The following PTK2 variants were observed in gnomAD, a reference collection of about 807,000 sequenced individuals.
PTK2 encodes the protein protein tyrosine kinase 2, also known as focal adhesion kinase 1.
In PTK2, 45 loss-of-function variants were observed where a neutral mutation model predicts 150.1. The ratio of observed to expected loss-of-function variants is 0.30; its 90% CI spans 0.24 to 0.38. The LOEUF (loss-of-function observed/expected upper bound fraction) is 0.38. Ranked by LOEUF, PTK2 falls within the 10% of genes least tolerant of loss-of-function variation. The pLI, the probability that PTK2 is intolerant of heterozygous loss-of-function variation, is 1.00. For missense variants in PTK2, 919 were observed against 1,307.3 expected (o/e 0.70, Z 4.58); for synonymous variants, 432 against 449.2 (o/e 0.96, Z 0.48).
chr8:140,665,345 A>G (rs962234441), intron 30 of PTK2, among the ~76,000 whole-genome samples: 7 of 152,102 alleles, frequency 4.6e-5, no homozygotes, highest in African/African-American at 1.7e-4. Context: ...CAACCCTGCC[A>G]ACACAGGTTA....
At chr8:140,752,371 A>T (rs1177833714) in intron 16 of PTK2, 55 bp from the exon 20 acceptor site, 5 of 1,509,834 alleles carry the variant, frequency 3.3e-6, no homozygotes, top group Non-Finnish European at 3.7e-6. Context: ...TTGCTATATT[A>T]ATTGATTCAT....
chr8:140,877,651 G>GTCA (rs1237390183), intron 4 of PTK2, among the ~76,000 whole-genome samples: 20 of 151,812 alleles, frequency 1.3e-4, no homozygotes, highest in Non-Finnish European at 2.8e-4. Context: ...AGGCATCAAT[G>GTCA]TCATCATCAT....
intron 1 of PTK2, among the ~76,000 whole-genome samples, chr8:140,965,770 G>A (rs2100185045): frequency 6.6e-6 from 1 of 152,166 alleles, no homozygotes; most frequent in Non-Finnish European, 1.5e-5. Context: ...CCAGCTACTT[G>A]GGAGGCTGAG....
chr8:140,868,234 A>G (rs2100140477), intron 4 of PTK2, among the ~76,000 whole-genome samples: 2 of 152,232 alleles, frequency 1.3e-5, no homozygotes, highest in South Asian at 4.1e-4. Context: ...GAGAAGGGTT[A>G]GCTAGCTAGT....
chr8:140,690,620 C>A (rs1345585442), intron 26 of PTK2, among the ~76,000 whole-genome samples: 1 of 152,058 alleles, frequency 6.6e-6, no homozygotes, highest in African/African-American at 2.4e-5. Context: ...AATCACTCAA[C>A]CTTACCATTT....
chr8:140,849,855 C>G (rs1458303389), intron 5 of PTK2, among the ~76,000 whole-genome samples: 1 of 152,226 alleles, frequency 6.6e-6, no homozygotes, highest in Admixed American at 6.5e-5. Context: ...CCAGATGTAT[C>G]AACCCCGAAA....
At chr8:140,946,631 T>C (rs1469000234) in intron 1 of PTK2, among the ~76,000 whole-genome samples, 1 of 152,218 alleles carries the variant, frequency 6.6e-6, no homozygotes, top group African/African-American at 2.4e-5. Flanking sequence ...ATCTCCTTTG[T>C]ATTTAGCTCA....
chr8:140,811,736 G>A (rs936893279), intron 10 of PTK2, among the ~76,000 whole-genome samples: 8 of 152,182 alleles, frequency 5.3e-5, no homozygotes, highest in Admixed American at 2.0e-4. Context: ...ACCTGATGGC[G>A]CTGAAAAGCA....
intron 9 of PTK2, 68 bp downstream of exon 9, chr8:140,818,812 A>T (rs963015180): frequency 1.3e-6 from 2 of 1,490,660 alleles, no homozygotes. Flanking sequence ...AGAAATTTAG[A>T]TATACAGCAA....
intron 26 of PTK2, among the ~76,000 whole-genome samples, chr8:140,693,619 T>C (rs2100024579): frequency 1.6e-5 from 2 of 126,328 alleles, no homozygotes; most frequent in Admixed American, 8.7e-5. Flanking sequence ...CTAGGTATAG[T>C]ACAGAGTATC....
chr8:140,959,538 CAAAAAAA>C (rs34010616), intron 1 of PTK2, among the ~76,000 whole-genome samples: 3 of 85,058 alleles, frequency 3.5e-5, no homozygotes, highest in African/African-American at 1.6e-4. Context: ...GACTCTGTCT[CAAAAAAA>C]AAAAAAAAAA....
intron 12 of PTK2, among the ~76,000 whole-genome samples, chr8:140,794,024 C>T (rs960820676): frequency 6.6e-6 from 1 of 152,156 alleles, no homozygotes; most frequent in Non-Finnish European, 1.5e-5. Flanking sequence ...GTGAGGGAAA[C>T]GCTTTCTTTC....
chr8:140,828,109 C>T (rs1230227020), intron 8 of PTK2, among the ~76,000 whole-genome samples: 1 of 149,194 alleles, frequency 6.7e-6, no homozygotes, highest in African/African-American at 2.5e-5. Context: ...GAGGTTGCAG[C>T]GAGTCGAGAT....
chr8:140,962,471 T>C (rs969000332), intron 1 of PTK2, among the ~76,000 whole-genome samples: 1 of 152,086 alleles, frequency 6.6e-6, no homozygotes, highest in African/African-American at 2.4e-5. Flanking sequence ...ACACACATAC[T>C]CTGTGAGGGG....
intron 8 of PTK2, among the ~76,000 whole-genome samples, chr8:140,823,494 T>TAC (rs2100110088): frequency 6.6e-6 from 1 of 151,748 alleles, no homozygotes; most frequent in African/African-American, 2.4e-5. Context: ...TATATATATA[T>TAC]ACACACCTGC....
intron 5 of PTK2, among the ~76,000 whole-genome samples, chr8:140,863,585 G>A (rs1392686821): frequency 3.3e-5 from 5 of 152,092 alleles, no homozygotes; most frequent in African/African-American, 1.2e-4. Context: ...TTTCTACAAA[G>A]TTGAAGACTC....
chr8:140,921,167 C>CCA, intron 2 of PTK2: 1 of 1,184,934 alleles, frequency 8.4e-7, no homozygotes, highest in Middle Eastern at 3.4e-4. Flanking sequence ...GATCAAGCTA[C>CCA]TGAACAGAAT....
Position 140,705,132 on chromosome 8 carries a change from A to C in PTK2, c.2229+987T>G, listed in dbSNP as rs1042468410. On this transcript the variant is annotated intron_variant, in intron 24 of 31. Coordinates refer to ENST00000522684, the Ensembl canonical transcript of PTK2. The stretch of plus-strand genomic sequence containing the variant: ...AATCTGGCGGCTAGATAAAGAGGCT[A>C]AAATTTGCTGTTCTAAACTACCACT... 2.0e-5 allele frequency among the ~76,000 whole-genome samples: 3 copies of C among 152,308 alleles called. No homozygotes were observed. In the East Asian group the frequency reaches 5.8e-4, roughly 29 times the overall value.
intron 2 of PTK2, chr8:140,892,555 C>G: frequency 2.3e-6 from 1 of 433,328 alleles, no homozygotes; most frequent in Non-Finnish European, 4.5e-6. Context: ...ATCTGTCCAG[C>G]AAAGAAAAGA....
Sources: allele counts gnomAD v4.1 joint callset (sites outside exome capture counted in the v4.1 genomes callset), GRCh38; gene constraint gnomAD v4.1.1; transcripts MANE v1.5; gene names NCBI Gene and HGNC (gene_info 2026-07-23, HGNC 2026-07-21).